CCDC91: variants seen among roughly 807,000 people sequenced by gnomAD.
CCDC91 encodes the protein coiled-coil domain-containing protein 91.
Under a neutral mutation model 63.2 loss-of-function variants are expected in CCDC91, and 48 were observed. That is an observed-to-expected ratio of 0.76 (90% confidence interval 0.60 to 0.97). The LOEUF is 0.97. Among genes scored for constraint, CCDC91 ranks in the 50% least tolerant of loss-of-function variants. The pLI, the probability that CCDC91 is intolerant of heterozygous loss-of-function variation, is 0.00. For missense variants in CCDC91, 500 were observed against 494.6 expected (o/e 1.01, Z -0.10); for synonymous variants, 167 against 165.8 (o/e 1.01, Z -0.06).
At chr12:28,490,406 A>G (rs1183499020) in intron 12 of CCDC91, among the ~76,000 whole-genome samples, 1 of 151,910 alleles carries the variant, frequency 6.6e-6, no homozygotes, top group Non-Finnish European at 1.5e-5. Context: ...AAGGGAATTT[A>G]GCCTTCTCTA....
At chr12:28,423,686 G>T (rs1342015848) in intron 8 of CCDC91, among the ~76,000 whole-genome samples, 5 of 152,072 alleles carry the variant, frequency 3.3e-5, no homozygotes, top group Non-Finnish European at 7.4e-5. Flanking sequence ...TCTGCATCAG[G>T]AGAGGATTTG....
chr12:28,427,686 A>G lies in CCDC91; in HGVS notation c.763-22475A>G, dbSNP rs1228803404. Among the ~76,000 whole-genome samples the G allele has an allele frequency of 3.9e-5, 6 of 152,180 alleles. No individual in the cohort carries two copies. In the South Asian group the frequency reaches 6.2e-4, roughly 16 times the overall value. ...ATTCACTAGATTTGCATATTTCTCC[A>G]AATTTTGAAGTGGCAGTTTGGCTGT... On this transcript the variant is annotated intron_variant, in intron 8 of 12. Transcript: ENST00000536442.
At chr12:28,444,035 C>T (rs533666016) in intron 8 of CCDC91, among the ~76,000 whole-genome samples, 1 of 152,266 alleles carries the variant, frequency 6.6e-6, no homozygotes, top group Admixed American at 6.5e-5. Context: ...TCATTGGTCA[C>T]AGGCCTCTAG....
intron 12 of CCDC91, among the ~76,000 whole-genome samples, chr12:28,511,206 A>G (rs12320294): frequency 0.11 from 17,422 of 151,784 alleles, 2,705 homozygotes; most frequent in African/African-American, 0.36. Flanking sequence ...CCAAGCTACC[A>G]TTATCTTTAC....
intron 8 of CCDC91, among the ~76,000 whole-genome samples, chr12:28,408,562 T>C (rs1210049529): frequency 1.3e-5 from 2 of 152,206 alleles, no homozygotes; most frequent in Non-Finnish European, 2.9e-5. Flanking sequence ...CTTTGTTTCA[T>C]ATATTTGTTG....
intron 12 of CCDC91, among the ~76,000 whole-genome samples, chr12:28,503,174 A>G (rs1012911862): frequency 2.0e-5 from 3 of 152,180 alleles, no homozygotes; most frequent in Admixed American, 6.5e-5. Flanking sequence ...AAATTTTCGC[A>G]ACCTACTAAT....
At chr12:28,368,598 T>C (rs1240032011) in intron 7 of CCDC91, among the ~76,000 whole-genome samples, 1 of 152,240 alleles carries the variant, frequency 6.6e-6, no homozygotes, top group African/African-American at 2.4e-5. Flanking sequence ...CTTTTAATTC[T>C]GTCAGTTTTT....
intron 7 of CCDC91, among the ~76,000 whole-genome samples, chr12:28,390,327 C>A (rs904608745): frequency 6.6e-6 from 1 of 151,332 alleles, no homozygotes; most frequent in East Asian, 1.9e-4. Flanking sequence ...AATATGCCAA[C>A]GGTCTGTTTT....
chr12:28,261,154 T>A (rs1456021493), intron 3 of CCDC91, among the ~76,000 whole-genome samples: 1 of 151,970 alleles, frequency 6.6e-6, no homozygotes. Context: ...AGAATGGTGT[T>A]ACCATGAACA....
At chr12:28,325,276 T>A (rs1046341888) in intron 6 of CCDC91, among the ~76,000 whole-genome samples, 2 of 152,042 alleles carry the variant, frequency 1.3e-5, no homozygotes, top group African/African-American at 4.8e-5. Flanking sequence ...TAAGAAAAAG[T>A]TGCTCTGTTA....
intron 11 of CCDC91, among the ~76,000 whole-genome samples, chr12:28,482,097 A>G (rs1300080499): frequency 6.6e-6 from 1 of 151,986 alleles, no homozygotes; most frequent in Non-Finnish European, 1.5e-5. Context: ...AGCTATTTAT[A>G]CTTTTAATTG....
chr12:28,348,074 C>G (rs1204500135), intron 6 of CCDC91, among the ~76,000 whole-genome samples: 2 of 152,230 alleles, frequency 1.3e-5, no homozygotes, highest in East Asian at 3.8e-4. Flanking sequence ...ATCTCTCTGT[C>G]CATTGTTGGA....
intron 6 of CCDC91, among the ~76,000 whole-genome samples, chr12:28,343,583 A>T (rs1345534149): frequency 6.6e-6 from 1 of 152,134 alleles, no homozygotes; most frequent in African/African-American, 2.4e-5. Context: ...TGTCTCCAAC[A>T]GTTCAATTTC....
At chr12:28,529,821 G>A (rs998452596) in intron 12 of CCDC91, among the ~76,000 whole-genome samples, 2 of 152,044 alleles carry the variant, frequency 1.3e-5, no homozygotes, top group African/African-American at 4.8e-5. Context: ...TTCCATATAT[G>A]TCTTTTTTTC....
chr12:28,248,971 GA>G (rs145542904), intron 1 of CCDC91, among the ~76,000 whole-genome samples: 1 of 152,320 alleles, frequency 6.6e-6, no homozygotes, highest in African/African-American at 2.4e-5. Context: ...TTTGTGAGCA[GA>G]ATGAGTTGTA....
intron 1 of CCDC91, among the ~76,000 whole-genome samples, chr12:28,192,082 C>A (rs1232078139): frequency 2.6e-5 from 4 of 152,200 alleles, no homozygotes; most frequent in African/African-American, 7.2e-5. Context: ...CTCAAAACTT[C>A]TGAGACATTT....
At chr12:28,365,837 A>G (rs1944236492) in intron 7 of CCDC91, among the ~76,000 whole-genome samples, 2 of 152,170 alleles carry the variant, frequency 1.3e-5, no homozygotes, top group African/African-American at 4.8e-5. Context: ...TGTTTACTCA[A>G]ATATGCAACT....
intron 3 of CCDC91, among the ~76,000 whole-genome samples, chr12:28,262,374 A>G (rs921449063): frequency 2.6e-5 from 4 of 152,040 alleles, no homozygotes; most frequent in African/African-American, 9.7e-5. Context: ...GAAAATAAAA[A>G]TCTTCATTCT....
At chr12:28,467,097 G>T (rs1452618821) in intron 11 of CCDC91, among the ~76,000 whole-genome samples, 2 of 151,968 alleles carry the variant, frequency 1.3e-5, no homozygotes, top group South Asian at 4.2e-4. Flanking sequence ...ACAAAGAAAG[G>T]CCAGAGTATG....
Sources: gnomAD v4.1 joint callset for allele counts (sites outside exome capture counted in the v4.1 genomes callset) on GRCh38, gnomAD v4.1.1 for gene constraint, MANE v1.5 for transcripts, NCBI Gene and HGNC (gene_info 2026-07-23, HGNC 2026-07-21) for gene names.